FAT4: variants seen among roughly 807,000 people sequenced by gnomAD.
The protein encoded by FAT4 is protocadherin Fat 4.
A neutral mutation model predicts 303.9 loss-of-function variants in FAT4; 84 were observed. The observed-to-expected ratio is 0.28, with a 90% CI of 0.23 to 0.33. The LOEUF (loss-of-function observed/expected upper bound fraction) is 0.33, where lower values mean the gene tolerates loss of function less well. FAT4 is among the 10% of genes least tolerant of loss of function. The pLI is 1.00. For synonymous variants in FAT4, 2,307 were observed against 2,298.8 expected (o/e 1.00, Z -0.10); for missense variants, 6,005 against 6,146.8 (o/e 0.98, Z 0.77).
At chr4:125,467,145 A>T (rs1000735073) in intron 11 of FAT4, among the ~76,000 whole-genome samples, 1 of 131,188 alleles carries the variant, frequency 7.6e-6, no homozygotes, top group African/African-American at 2.6e-5. Flanking sequence ...AGGAAAAGAT[A>T]AATAACACAA....
rs1730943907 is a variant in FAT4, at chr4:125,321,458, A to G, written c.5047A>G (p.Ile1683Val). 2.5e-6 allele frequency: 4 copies of G among 1,613,968 alleles called. No individual in the cohort carries two copies. The highest frequency in any genetic ancestry group is 3.3e-5 in the Admixed American group (2 of 59,992). ...EEKTVGRLFTIGRHTGIIQTA... is the reference protein window; with the variant it reads ...EEKTVGRLFTVGRHTGIIQTA... ...AAAAACTGTTGGACGCCTCTTTACT[A>G]TTGGACGACATACTGGTATAATTCA... The change falls in exon 2 of 18, where the codon ATT becomes GTT. Residue 1683 changes from isoleucine to valine, a missense_variant. By Grantham distance (29) the Ile-to-Val change is conservative (BLOSUM62 3). Transcript: ENST00000394329.
At position 125,360,935 on chromosome 4, in the gene FAT4, T is replaced by A. The variant is rs1021187516; in HGVS notation, c.5176-37849T>A. 1.1e-3 allele frequency among the ~76,000 whole-genome samples: 168 copies of A among 146,116 alleles called. 1 individual carries two copies. The highest frequency in any genetic ancestry group is 3.6e-3 in the Middle Eastern group (1 of 278). On this transcript the variant is annotated intron_variant, in intron 2 of 17. Coordinates refer to ENST00000394329, the MANE Select transcript of FAT4 (RefSeq NM_001291303.3). ...TTTATTATTTATTTTATTTATTTAT[T>A]TTATTATTTTTATTTTATTTTATTT...
chr4:125,474,513 G>T (rs889461241), intron 12 of FAT4, among the ~76,000 whole-genome samples: 2 of 151,710 alleles, frequency 1.3e-5, no homozygotes, highest in African/African-American at 2.4e-5. Flanking sequence ...TCCTACAAAT[G>T]TTAGTATTTA....
chr4:125,441,926 C>A (rs1336499238), intron 8 of FAT4, among the ~76,000 whole-genome samples: 1 of 152,178 alleles, frequency 6.6e-6, no homozygotes, highest in Non-Finnish European at 1.5e-5. Flanking sequence ...CTACTACCTG[C>A]AGGCCAAATT....
intron 2 of FAT4, among the ~76,000 whole-genome samples, chr4:125,352,514 TG>T (rs1732265549): frequency 6.6e-6 from 1 of 151,822 alleles, no homozygotes; most frequent in Non-Finnish European, 1.5e-5. Context: ...CCAACATATT[TG>T]GGAAATACAT....
rs1178833932 is a variant in FAT4 at position 125,450,398 on chromosome 4, A to G, written c.9388A>G (p.Ile3130Val). 5 of 1,614,096 alleles carry G rather than the reference A, an allele frequency of 3.1e-6. No homozygotes were observed. The highest frequency in any genetic ancestry group is 1.7e-5 in the Admixed American group (1 of 60,002). The change falls in exon 10 of 18, where the codon ATT becomes GTT. Residue 3130 changes from isoleucine (I) to valine (V), a missense_variant. Transcript: ENST00000394329. ...GATGAATGGCTTGATTAAGTACAGC[A>G]TTTCTTCAGGAAATGAAGAAGGCAT... ...AAMNGLIKYS[I>V]SSGNEEGIFA...
chr4:125,405,695 G>T (rs746253792), intron 3 of FAT4, among the ~76,000 whole-genome samples: 15 of 151,048 alleles, frequency 9.9e-5, no homozygotes, highest in Non-Finnish European at 2.2e-4. Flanking sequence ...GTAGAGACGG[G>T]GTTTCACTAT....
chr4:125,360,335 C>A (rs2125984403), intron 2 of FAT4, among the ~76,000 whole-genome samples: 1 of 152,248 alleles, frequency 6.6e-6, no homozygotes, highest in South Asian at 2.1e-4. Flanking sequence ...CAGTTAACTT[C>A]ATTAAATTTT....
Position 125,414,889 on chromosome 4 carries a change from A to T in FAT4, c.5926A>T (p.Asn1976Tyr). The T allele has an allele frequency of 1.3e-6, 2 of 1,577,108 alleles. No homozygotes were observed. Among genetic ancestry groups the T allele is most frequent in the Non-Finnish European group, 1.7e-6 (2 of 1,157,326 alleles). ...TTTCTTCCCTTTAATTTCAGGCATC[A>T]ACTCTCAATTGACTTATAGCATTGC... Reference protein sequence around the residue: ...FNVTDADDGINSQLTYSIASG... With the variant: ...FNVTDADDGIYSQLTYSIASG... The change falls in exon 6 of 18, where the codon AAC (asparagine) becomes TAC (tyrosine). Residue 1976 changes from asparagine to tyrosine, a missense_variant. Transcript: ENST00000394329.
chr4:125,428,084 G>A (rs990328640), intron 7 of FAT4, among the ~76,000 whole-genome samples: 10 of 151,922 alleles, frequency 6.6e-5, no homozygotes, highest in Non-Finnish European at 1.0e-4. Flanking sequence ...GATCACTTGA[G>A]GTCAGGAGTT....
intron 2 of FAT4, among the ~76,000 whole-genome samples, chr4:125,322,884 A>G (rs1206276340): frequency 6.6e-6 from 1 of 152,048 alleles, no homozygotes; most frequent in Non-Finnish European, 1.5e-5. Flanking sequence ...CCTACATAGC[A>G]CTGAAAGGAT....
At chr4:125,422,248 C>T (rs1217567881) in intron 7 of FAT4, among the ~76,000 whole-genome samples, 1 of 152,096 alleles carries the variant, frequency 6.6e-6, no homozygotes, top group African/African-American at 2.4e-5. Flanking sequence ...ATTATCACTG[C>T]CAATTATCAT....
chr4:125,469,463 T>A (rs146260774), intron 12 of FAT4, among the ~76,000 whole-genome samples: 3 of 152,326 alleles, frequency 2.0e-5, no homozygotes, highest in South Asian at 4.1e-4. Flanking sequence ...TACCCACAGA[T>A]GAAATTGTTT....
chr4:125,350,262 A>G (rs1732172239), intron 2 of FAT4, among the ~76,000 whole-genome samples: 1 of 151,654 alleles, frequency 6.6e-6, no homozygotes, highest in South Asian at 2.1e-4. Context: ...CTTTCTACCA[A>G]TGAGATGAGA....
chr4:125,436,116 A>G (rs561885578), intron 8 of FAT4, among the ~76,000 whole-genome samples: 20 of 151,846 alleles, frequency 1.3e-4, no homozygotes, highest in Admixed American at 1.2e-3. Flanking sequence ...GGTGCAGCAC[A>G]CCAACATGGC....
chr4:125,335,629 A>T (rs1381207382), intron 2 of FAT4, among the ~76,000 whole-genome samples: 1 of 151,892 alleles, frequency 6.6e-6, no homozygotes, highest in Non-Finnish European at 1.5e-5. Context: ...CCTAAAGTCA[A>T]TTTTTTAAGC....
At chr4:125,429,172 A>G (rs1403342425) in intron 7 of FAT4, among the ~76,000 whole-genome samples, 1 of 152,188 alleles carries the variant, frequency 6.6e-6, no homozygotes, top group African/African-American at 2.4e-5. Flanking sequence ...CCCCAGCCTT[A>G]GGCTAAGTCC....
chr4:125,378,568 A>G (rs565556119), intron 2 of FAT4, among the ~76,000 whole-genome samples: 2 of 152,128 alleles, frequency 1.3e-5, no homozygotes, highest in Admixed American at 6.5e-5. Flanking sequence ...ATCTCAAATT[A>G]TATCCCAAAA....
intron 2 of FAT4, among the ~76,000 whole-genome samples, chr4:125,394,222 T>C (rs1560795875): frequency 6.6e-6 from 1 of 152,210 alleles, no homozygotes; most frequent in African/African-American, 2.4e-5. Flanking sequence ...TGTTCTGAAC[T>C]TCAATTACAA....
Sources: gnomAD v4.1 joint callset for allele counts (sites outside exome capture counted in the v4.1 genomes callset) on GRCh38, gnomAD v4.1.1 for gene constraint, MANE v1.5 for transcripts, NCBI Gene and HGNC (gene_info 2026-07-23, HGNC 2026-07-21) for gene names.